DLGAP2: variants seen among roughly 807,000 people sequenced by gnomAD.
DLGAP2 encodes disks large-associated protein 2.
A neutral mutation model predicts 100.3 loss-of-function variants in DLGAP2; 26 were observed. That is an observed-to-expected ratio of 0.26 (90% CI 0.19 to 0.36). DLGAP2 has a LOEUF of 0.36. Among genes scored for constraint, DLGAP2 ranks in the 10% least tolerant of loss-of-function variants. The pLI is 1.00. For synonymous variants in DLGAP2, 886 were observed against 630.1 expected, an observed-to-expected ratio of 1.41 and a Z score of -6.08; for missense variants, 1,858 against 1,453.2, an observed-to-expected ratio of 1.28 and a Z score of -4.53.
chr8:1,100,763 G>GT (rs1804552574), intron 2 of DLGAP2, among the ~76,000 whole-genome samples: 1 of 152,208 alleles, frequency 6.6e-6, no homozygotes, highest in South Asian at 2.1e-4. Context: ...GCAGGACAGA[G>GT]TTTTGTAAGA....
At chr8:1,465,366 T>TGAAGAGATGAGCAGAGCGAAGG (rs1163552916) in intron 3 of DLGAP2, among the ~76,000 whole-genome samples, 5 of 149,564 alleles carry the variant, frequency 3.3e-5, no homozygotes, top group African/African-American at 1.2e-4. Flanking sequence ...AGGGGACAGA[T>TGAAGAGATGAGCAGAGCGAAGG]GAAGAGATGA....
At position 988,539 on chromosome 8, in the gene DLGAP2, G is replaced by A. The variant is rs183474511; in HGVS notation, c.73+80573G>A. Among the ~76,000 whole-genome samples, 497 of 152,222 alleles carry A rather than the reference G, an allele frequency of 3.3e-3. 2 individuals are homozygous for A. Among genetic ancestry groups the A allele is most frequent in the African/African-American group, 0.011 (454 of 41,536 alleles). ...GCCTTGAAGAAAACCCTCCCGGCTC[G>A]GCCTCTGTTCAGCCTTGATCTGGCT... is the stretch of plus-strand genomic sequence containing the variant. On this transcript the variant is annotated intron_variant, in intron 2 of 14. Coordinates refer to ENST00000637795, the MANE Select transcript of DLGAP2 (RefSeq NM_001346810.2).
At chr8:1,571,688 T>G (rs1321329604) in intron 6 of DLGAP2, among the ~76,000 whole-genome samples, 169 of 70,422 alleles carry the variant, frequency 2.4e-3, no homozygotes, top group Middle Eastern at 0.015. Context: ...GGGGGCATCT[T>G]CTGGGATGGA....
At chr8:980,771 G>A (rs1011746630) in intron 2 of DLGAP2, among the ~76,000 whole-genome samples, 2 of 152,248 alleles carry the variant, frequency 1.3e-5, no homozygotes, top group African/African-American at 4.8e-5. Context: ...GGGAATGGGG[G>A]CTCGACAGGT....
At chr8:1,125,964 C>A (rs1054283228) in intron 2 of DLGAP2, among the ~76,000 whole-genome samples, 1 of 152,214 alleles carries the variant, frequency 6.6e-6, no homozygotes, top group Non-Finnish European at 1.5e-5. Flanking sequence ...TCCGCCCTTT[C>A]CTGTAAATAA....
At chr8:1,204,241 G>A (rs1311580403) in intron 2 of DLGAP2, among the ~76,000 whole-genome samples, 1 of 152,216 alleles carries the variant, frequency 6.6e-6, no homozygotes, top group Non-Finnish European at 1.5e-5. Context: ...CCTGCGCTGT[G>A]TTAGATTCCG....
rs371520839 is a variant in DLGAP2 at position 1,092,054 on chromosome 8, A to G, written c.74-166797A>G. On this transcript the variant is annotated intron_variant, in intron 2 of 14. Transcript: ENST00000637795. ...GAGCAGCGTGTTTGAACTGCACTCC[A>G]GCCGTGCAGCCTCTCCTGCGTGTCT... 2.8e-4 allele frequency among the ~76,000 whole-genome samples: 43 copies of G among 152,244 alleles called. 1 individual carries two copies. The South Asian group carries it at 8.1e-3, about 29-fold the overall frequency.
At chr8:825,363 G>C (rs970378547) in intron 1 of DLGAP2, among the ~76,000 whole-genome samples, 3 of 152,216 alleles carry the variant, frequency 2.0e-5, no homozygotes, top group Middle Eastern at 3.2e-3. Flanking sequence ...TTTGGGATCA[G>C]AGAGTTCTCT....
chr8:1,420,140 C>T (rs1187127337), intron 3 of DLGAP2, among the ~76,000 whole-genome samples: 1 of 152,134 alleles, frequency 6.6e-6, no homozygotes, highest in Admixed American at 6.5e-5. Context: ...CTGGAAGTTC[C>T]AATCCTCTAA....
chr8:748,179 C>G (rs866146722), intron 1 of DLGAP2, among the ~76,000 whole-genome samples: 116 of 6,968 alleles, frequency 0.017, 1 homozygote, highest in Middle Eastern at 0.062. Context: ...GTGGGATGGG[C>G]GGGTCTGCGG....
At chr8:1,514,921 C>T (rs1259440849) in intron 4 of DLGAP2, among the ~76,000 whole-genome samples, 1 of 152,164 alleles carries the variant, frequency 6.6e-6, no homozygotes, top group African/African-American at 2.4e-5. Flanking sequence ...AGAGCCCCTA[C>T]AAGAGCACAG....
At chr8:878,374 C>T (rs1460532743) in intron 1 of DLGAP2, among the ~76,000 whole-genome samples, 1 of 152,160 alleles carries the variant, frequency 6.6e-6, no homozygotes, top group African/African-American at 2.4e-5. Context: ...GTTCAAAGTT[C>T]AGAAAATTCT....
intron 2 of DLGAP2, among the ~76,000 whole-genome samples, chr8:1,175,378 T>G (rs1281222189): frequency 1.3e-5 from 2 of 152,232 alleles, no homozygotes; most frequent in Non-Finnish European, 2.9e-5. Context: ...TCCAGAAGAA[T>G]ATCATTAGCT....
intron 2 of DLGAP2, among the ~76,000 whole-genome samples, chr8:944,221 C>T (rs1423059964): frequency 1.3e-5 from 2 of 151,950 alleles, no homozygotes; most frequent in Non-Finnish European, 2.9e-5. Context: ...GGGTGGTAAC[C>T]AGTCCCTGTG....
At chr8:960,007 G>A (rs968705786) in intron 2 of DLGAP2, among the ~76,000 whole-genome samples, 4 of 152,044 alleles carry the variant, frequency 2.6e-5, no homozygotes, top group Non-Finnish European at 4.4e-5. Flanking sequence ...ATAAACTGAT[G>A]TTTGAGGATT....
intron 8 of DLGAP2, among the ~76,000 whole-genome samples, chr8:1,649,049 A>T (rs1798105551): frequency 6.6e-6 from 1 of 152,168 alleles, no homozygotes; most frequent in Admixed American, 6.6e-5. Context: ...GGGGCCCAAA[A>T]AATCATTGCC....
chr8:1,222,406 G>A lies in DLGAP2; in HGVS notation c.74-36445G>A, dbSNP rs137868617. 2.8e-4 allele frequency among the ~76,000 whole-genome samples: 43 copies of A among 152,298 alleles called. 1 individual carries two copies. Among genetic ancestry groups the A allele is most frequent in the Admixed American group, 4.6e-4 (7 of 15,294 alleles). On this transcript the variant is annotated intron_variant, in intron 2 of 14. Coordinates refer to ENST00000637795, the MANE Select transcript of DLGAP2 (RefSeq NM_001346810.2). ...CTCTAACCCTGGGGGGCTAGGACCA[G>A]TCCCATGGCTTTGTTCTCTGGCCCC...
At chr8:1,009,911 A>G (rs1801227041) in intron 2 of DLGAP2, among the ~76,000 whole-genome samples, 1 of 152,236 alleles carries the variant, frequency 6.6e-6, no homozygotes, top group African/African-American at 2.4e-5. Context: ...TTGGTTTTTC[A>G]TTAACAAGCC....
chr8:1,502,677 C>T (rs375730718), intron 4 of DLGAP2, among the ~76,000 whole-genome samples: 3 of 152,278 alleles, frequency 2.0e-5, no homozygotes, highest in East Asian at 3.9e-4. Context: ...TACTCCATCG[C>T]GATGAATCTT....
Sources: allele counts gnomAD v4.1 joint callset (sites outside exome capture counted in the v4.1 genomes callset), GRCh38; gene constraint gnomAD v4.1.1; transcripts MANE v1.5; gene names NCBI Gene and HGNC (gene_info 2026-07-23, HGNC 2026-07-21).